Variants in ASCC3 observed in about 807,000 individuals in gnomAD.
The protein encoded by ASCC3 is ASC-1 complex subunit P200.
ASCC3 carries 158 observed loss-of-function variants against 256.3 expected under a neutral mutation model. The ratio of observed to expected loss-of-function variants is 0.62; its 90% CI spans 0.54 to 0.70. ASCC3 has a LOEUF of 0.70. Among genes scored for constraint, ASCC3 ranks in the 30% least tolerant of loss-of-function variants. The pLI, the probability that ASCC3 is intolerant of heterozygous loss-of-function variation, is 0.00. For missense variants in ASCC3, 2,259 were observed against 2,626.0 expected (o/e 0.86, Z 3.05); for synonymous variants, 948 against 883.4 (o/e 1.07, Z -1.30).
chr6:100,694,798 G>A (rs1778006158), intron 13 of ASCC3, among the ~76,000 whole-genome samples: 1 of 151,966 alleles, frequency 6.6e-6, no homozygotes, highest in Non-Finnish European at 1.5e-5. Context: ...TAATAAATAG[G>A]GGAAAGGAAG....
intron 3 of ASCC3, among the ~76,000 whole-genome samples, chr6:100,853,418 T>G: frequency 1.0e-5 from 1 of 99,860 alleles, no homozygotes; most frequent in South Asian, 2.8e-4. Flanking sequence ...TGATAAATAT[T>G]CCTTTTTTTT....
In ASCC3 at chr6:100,718,258, G is replaced by A; in HGVS notation, c.1903-7C>T. On this transcript the variant is annotated splice_region_variant and splice_polypyrimidine_tract_variant and intron_variant, in intron 11 of 41. Transcript: ENST00000369162. ...TACTCTGTGTGGATTCCACCTATAT[G>A]GATTATTTTAATTAAATATGGGTTA... is the stretch of plus-strand genomic sequence containing the variant. 2.5e-6 allele frequency: 4 copies of A among 1,579,654 alleles called. No homozygotes were observed. The highest frequency in any genetic ancestry group is 1.2e-5 in the South Asian group (1 of 85,458).
At chr6:100,724,125 G>C (rs1201042644) in intron 11 of ASCC3, among the ~76,000 whole-genome samples, 1 of 139,752 alleles carries the variant, frequency 7.2e-6, no homozygotes, top group East Asian at 2.1e-4. Context: ...AAGGAAGGCT[G>C]AGAAAGAGTA....
intron 13 of ASCC3, among the ~76,000 whole-genome samples, chr6:100,712,728 C>T (rs1205838962): frequency 6.7e-6 from 1 of 149,342 alleles, no homozygotes; most frequent in African/African-American, 2.5e-5. Flanking sequence ...CATACTCCTA[C>T]CATATGATCT....
At chr6:100,825,307 A>G (rs1771247918) in intron 4 of ASCC3, among the ~76,000 whole-genome samples, 2 of 151,750 alleles carry the variant, frequency 1.3e-5, no homozygotes, top group Non-Finnish European at 2.9e-5. Context: ...CATCGGCTAA[A>G]AAAGCAGATA....
chr6:100,826,267 G>A (rs1771302881), intron 4 of ASCC3, among the ~76,000 whole-genome samples: 1 of 151,924 alleles, frequency 6.6e-6, no homozygotes, highest in Non-Finnish European at 1.5e-5. Context: ...GAGTAGCTGG[G>A]ACTACAGGTG....
At chr6:100,667,172 C>T (rs1045490037) in intron 14 of ASCC3, among the ~76,000 whole-genome samples, 1 of 152,132 alleles carries the variant, frequency 6.6e-6, no homozygotes, top group African/African-American at 2.4e-5. Context: ...TACACATTCC[C>T]TGAATGAATG....
intron 36 of ASCC3, among the ~76,000 whole-genome samples, chr6:100,583,070 A>T (rs541927167): frequency 1.8e-4 from 28 of 152,298 alleles, no homozygotes; most frequent in African/African-American, 6.3e-4. Context: ...TGGCTCTGCC[A>T]GGCTTTGGTA....
intron 14 of ASCC3, among the ~76,000 whole-genome samples, chr6:100,670,318 T>A (rs1043414513): frequency 9.2e-5 from 14 of 151,870 alleles, no homozygotes; most frequent in Non-Finnish European, 1.9e-4. Flanking sequence ...CCATGGGGGA[T>A]TGATTCAACA....
At chr6:100,531,772 G>T (rs941989900) in intron 37 of ASCC3, among the ~76,000 whole-genome samples, 1 of 152,058 alleles carries the variant, frequency 6.6e-6, no homozygotes, top group Non-Finnish European at 1.5e-5. Context: ...ATATATAGTT[G>T]TCCTGTGGGG....
At chr6:100,832,900 C>G (rs910442435) in intron 4 of ASCC3, among the ~76,000 whole-genome samples, 2 of 151,844 alleles carry the variant, frequency 1.3e-5, no homozygotes, top group Admixed American at 1.3e-4. Flanking sequence ...TAAAGCACCA[C>G]TTAGAAATTT....
In ASCC3 at chr6:100,738,864, T is replaced by A. The variant is rs118084193; in HGVS notation, c.1738-13161A>T. 0.013 allele frequency among the ~76,000 whole-genome samples: 1,936 copies of A among 152,318 alleles called. 101 individuals carry two copies. In the East Asian group the frequency reaches 0.15, roughly 12 times the overall value. On this transcript the variant is annotated intron_variant, in intron 10 of 41. Coordinates refer to ENST00000369162, the MANE Select transcript of ASCC3 (RefSeq NM_006828.4). Reference sequence around the variant, plus strand: ...GAATGAGACAATGGGGTTTTCTAGATAAAGGATCATGTCATGTGCAAACAA... The same window carrying A: ...GAATGAGACAATGGGGTTTTCTAGAAAAAGGATCATGTCATGTGCAAACAA...
chr6:100,724,148 C>CAAAAAAAAAAA (rs574759618), intron 11 of ASCC3, among the ~76,000 whole-genome samples: 3 of 126,322 alleles, frequency 2.4e-5, no homozygotes, highest in Non-Finnish European at 3.3e-5. Context: ...TACAAAAAAA[C>CAAAAAAAAAAA]AAAAAAAAAA....
chr6:100,819,483 G>A (rs992439414), intron 4 of ASCC3, among the ~76,000 whole-genome samples: 1 of 152,156 alleles, frequency 6.6e-6, no homozygotes, highest in African/African-American at 2.4e-5. Context: ...CAAGCTGAGA[G>A]CAAGGAAGCC....
At chr6:100,636,812 T>C (rs2114879423) in intron 25 of ASCC3, among the ~76,000 whole-genome samples, 1 of 152,296 alleles carries the variant, frequency 6.6e-6, no homozygotes, top group Non-Finnish European at 1.5e-5. Context: ...TTCCATAACC[T>C]AAAGCCTACT....
chr6:100,748,646 G>T (rs150538818), intron 10 of ASCC3, among the ~76,000 whole-genome samples: 1 of 151,788 alleles, frequency 6.6e-6, no homozygotes, highest in Non-Finnish European at 1.5e-5. Flanking sequence ...CAATGTATTC[G>T]CCTGCTCAAT....
chr6:100,833,362 A>G (rs535778382), intron 4 of ASCC3, among the ~76,000 whole-genome samples: 1 of 152,340 alleles, frequency 6.6e-6, no homozygotes, highest in East Asian at 1.9e-4. Context: ...TATTCTGTAT[A>G]ATACTGTGAT....
intron 3 of ASCC3, chr6:100,859,287 C>T (rs1773110422): frequency 1.3e-6 from 1 of 775,704 alleles, no homozygotes; most frequent in Admixed American, 1.7e-5. Context: ...ATCTTCACTG[C>T]TTTGATAACT....
intron 36 of ASCC3, among the ~76,000 whole-genome samples, chr6:100,582,052 T>C (rs900803238): frequency 1.1e-4 from 17 of 152,100 alleles, no homozygotes; most frequent in Non-Finnish European, 2.4e-4. Flanking sequence ...TGGCTTAGGA[T>C]TGACTTGGTG....
Sources: allele counts gnomAD v4.1 joint callset (sites outside exome capture counted in the v4.1 genomes callset), GRCh38; gene constraint gnomAD v4.1.1; transcripts MANE v1.5; gene names NCBI Gene and HGNC (gene_info 2026-07-23, HGNC 2026-07-21).